CCDC77: variants seen among roughly 807,000 people sequenced by gnomAD.
The protein encoded by CCDC77 is coiled-coil domain containing 77, also known as coiled-coil domain-containing protein 77.
Under a neutral mutation model 66.8 loss-of-function variants are expected in CCDC77, and 56 were observed. The observed-to-expected ratio is 0.84, with a 90% CI of 0.68 to 1.05. The LOEUF is 1.05. Ranked by LOEUF, CCDC77 falls within the 50% of genes least tolerant of loss-of-function variation. The pLI is 0.00. For missense variants in CCDC77, 570 were observed against 576.8 expected (o/e 0.99, Z 0.12); for synonymous variants, 196 against 195.2 (o/e 1.00, Z -0.03).
intron 3 of CCDC77, among the ~76,000 whole-genome samples, chr12:411,319 G>A (rs1332799343): frequency 2.0e-5 from 3 of 151,820 alleles, no homozygotes; most frequent in Middle Eastern, 3.4e-3. Flanking sequence ...AACTACAGGC[G>A]TGCACTGCCA....
intron 12 of CCDC77, 56 bp downstream of exon 12, chr12:441,052 A>G (rs1311670152): frequency 5.7e-6 from 9 of 1,572,522 alleles, no homozygotes; most frequent in South Asian, 4.4e-5. Context: ...GTGAGGGAAC[A>G]TGGTCACGAG....
chr12:415,411 T>TTATTATTAACATAATTAACATAA (rs1565568173), intron 4 of CCDC77, among the ~76,000 whole-genome samples: 6 of 104,272 alleles, frequency 5.8e-5, no homozygotes, highest in Admixed American at 4.3e-4. Flanking sequence ...ACATAATATG[T>TTATTATTAACATAATTAACATAA]TGATATTATT....
intron 12 of CCDC77, among the ~76,000 whole-genome samples, chr12:441,572 C>T (rs1463219979): frequency 6.6e-6 from 1 of 152,124 alleles, no homozygotes; most frequent in East Asian, 1.9e-4. Flanking sequence ...TCCTTTATTG[C>T]ATGGGAAGGA....
chr12:416,355 GTGTGTGTGTGTGTGTGTGTGTGTATATA>G (rs1945266367), intron 4 of CCDC77, among the ~76,000 whole-genome samples: 3 of 31,748 alleles, frequency 9.4e-5, no homozygotes, highest in South Asian at 3.4e-3. Flanking sequence ...GTGTGTGTGT[GTGTGTGTGTGTGTGTGTGTGTGTATATA>G]TATATATATA....
At chr12:440,468 G>T in intron 10 of CCDC77, 149 bp from the exon 11 acceptor site, 1 of 793,032 alleles carries the variant, frequency 1.3e-6, no homozygotes, top group South Asian at 1.9e-5. Context: ...ATTTTCAGAT[G>T]TTCCTCAAAG....
intron 5 of CCDC77, among the ~76,000 whole-genome samples, chr12:419,057 T>C (rs572611552): frequency 1.3e-5 from 2 of 152,184 alleles, no homozygotes; most frequent in African/African-American, 2.4e-5. Context: ...GGTTGTATTC[T>C]CTAGGAAGTG....
intron 5 of CCDC77, among the ~76,000 whole-genome samples, chr12:426,525 G>C (rs1945535403): frequency 6.6e-6 from 1 of 152,134 alleles, no homozygotes; most frequent in South Asian, 2.1e-4. Context: ...CGTCTTGACT[G>C]GGTAGGGAGG....
intron 4 of CCDC77, among the ~76,000 whole-genome samples, chr12:415,411 T>TTATTATTAACATAATTAACATAATA (rs1565568173): frequency 9.6e-6 from 1 of 104,272 alleles, no homozygotes; most frequent in African/African-American, 4.0e-5. Context: ...ACATAATATG[T>TTATTATTAACATAATTAACATAATA]TGATATTATT....
At chr12:427,006 G>GA (rs1945545113) in intron 5 of CCDC77, among the ~76,000 whole-genome samples, 1 of 152,078 alleles carries the variant, frequency 6.6e-6, no homozygotes, top group South Asian at 2.1e-4. Context: ...AGCACTTTGG[G>GA]GTGGCTGAGG....
intron 1 of CCDC77, chr12:389,588 G>GCGCGA (rs998616527): frequency 5.7e-5 from 16 of 279,250 alleles, no homozygotes; most frequent in African/African-American, 6.7e-5. Flanking sequence ...GCGGGGCGAG[G>GCGCGA]CGCGACGCGA....
At chr12:407,674 GGA>G (rs756327234) in intron 2 of CCDC77, among the ~76,000 whole-genome samples, 8 of 152,144 alleles carry the variant, frequency 5.3e-5, no homozygotes, top group Non-Finnish European at 1.2e-4. Context: ...ACGGAGTCAG[GGA>G]GAGAGGCACT....
At chr12:426,656 T>A (rs1434943537) in intron 5 of CCDC77, among the ~76,000 whole-genome samples, 5 of 152,120 alleles carry the variant, frequency 3.3e-5, no homozygotes, top group African/African-American at 1.2e-4. Flanking sequence ...GCCCATTGAT[T>A]TGGTGGATCC....
At chr12:418,706 C>G in intron 5 of CCDC77, 70 bp downstream of exon 5, 1 of 1,510,978 alleles carries the variant, frequency 6.6e-7, no homozygotes, top group Non-Finnish European at 9.1e-7. Context: ...TTCATTCATT[C>G]ATTCATTGAT....
intron 10 of CCDC77, among the ~76,000 whole-genome samples, chr12:439,906 C>G (rs1001656840): frequency 2.7e-5 from 4 of 149,696 alleles, no homozygotes; most frequent in Non-Finnish European, 6.0e-5. Flanking sequence ...CAGGGACACT[C>G]TCTTATATCT....
At chr12:436,765 C>T in intron 9 of CCDC77, 2 of 984,776 alleles carry the variant, frequency 2.0e-6, no homozygotes, top group Non-Finnish European at 2.4e-6. Flanking sequence ...ATGATCGGTT[C>T]CTTCCATTAG....
intron 1 of CCDC77, among the ~76,000 whole-genome samples, chr12:404,468 G>A (rs1449712724): frequency 1.3e-5 from 2 of 152,174 alleles, no homozygotes; most frequent in Non-Finnish European, 2.9e-5. Flanking sequence ...TTGGTTAGAT[G>A]TCATAGTAGA....
chr12:436,805 C>T (rs1945767731), intron 9 of CCDC77: 1 of 976,010 alleles, frequency 1.0e-6, no homozygotes, highest in Middle Eastern at 5.3e-4. Context: ...GCATGAAATC[C>T]AGGGCCGTTA....
At chr12:404,680 G>A (rs1308411682) in intron 1 of CCDC77, among the ~76,000 whole-genome samples, 1 of 151,954 alleles carries the variant, frequency 6.6e-6, no homozygotes, top group African/African-American at 2.4e-5. Context: ...GGAGAAGAGG[G>A]ATTGCAGGTT....
intron 1 of CCDC77, chr12:389,572 A>AGGCGGGGCGAGGCGGGGCGAGGCGGG (rs1565557568): frequency 2.8e-4 from 11 of 39,112 alleles, no homozygotes; most frequent in Admixed American, 5.8e-4. Context: ...GGCGAGGCGC[A>AGGCGGGGCGAGGCGGGGCGAGGCGGG]ACGAGGCGGG....
Sources: allele counts gnomAD v4.1 joint callset (sites outside exome capture counted in the v4.1 genomes callset), GRCh38; gene constraint gnomAD v4.1.1; transcripts MANE v1.5; gene names NCBI Gene and HGNC (gene_info 2026-07-23, HGNC 2026-07-21).